The following UBE2O variants were observed in gnomAD, a reference collection of about 807,000 sequenced individuals.
The protein encoded by UBE2O is (E3-independent) E2 ubiquitin-conjugating enzyme.
In UBE2O, 15 loss-of-function variants were observed where a neutral mutation model predicts 125.8. That is an observed-to-expected ratio of 0.12 (90% CI 0.08 to 0.18). The LOEUF (loss-of-function observed/expected upper bound fraction) is 0.18, where lower values mean the gene tolerates loss of function less well. Among genes scored for constraint, UBE2O ranks in the 10% least tolerant of loss-of-function variants. The pLI is 1.00. For missense variants in UBE2O, 1,280 were observed against 1,723.6 expected (o/e 0.74, Z 4.56); for synonymous variants, 708 against 703.2 (o/e 1.01, Z -0.11).
At chr17:76,426,929 T>C (rs927555854) in intron 1 of UBE2O, among the ~76,000 whole-genome samples, 2 of 152,154 alleles carry the variant, frequency 1.3e-5, no homozygotes, top group African/African-American at 2.4e-5. Context: ...TTTTTTTCTG[T>C]GAAAATGTCC....
intron 1 of UBE2O, chr17:76,431,026 A>C (rs1468082241): frequency 5.0e-6 from 1 of 198,618 alleles, no homozygotes; most frequent in African/African-American, 2.4e-5. Context: ...CAAACTTCTT[A>C]TTCAGGTGCT....
intron 15 of UBE2O, among the ~76,000 whole-genome samples, chr17:76,393,194 G>C (rs1258478499): frequency 6.6e-6 from 1 of 151,812 alleles, no homozygotes; most frequent in African/African-American, 2.4e-5. Context: ...GGAGGCTGAG[G>C]CTGCAGTGAG....
chr17:76,448,700 G>A (rs528998800), intron 1 of UBE2O, among the ~76,000 whole-genome samples: 200 of 152,386 alleles, frequency 1.3e-3, no homozygotes, highest in African/African-American at 4.6e-3. Context: ...AACTTGAACT[G>A]ACAGACAGCA....
At chr17:76,421,468 C>G (rs536995783) in intron 1 of UBE2O, among the ~76,000 whole-genome samples, 1 of 152,226 alleles carries the variant, frequency 6.6e-6, no homozygotes, top group Non-Finnish European at 1.5e-5. Flanking sequence ...CCGGTTCAAG[C>G]GATTGTCCTG....
intron 1 of UBE2O, among the ~76,000 whole-genome samples, chr17:76,446,106 C>T (rs1168435031): frequency 3.9e-5 from 6 of 152,206 alleles, no homozygotes. Flanking sequence ...CATTTTAAAT[C>T]AGCAACTCCC....
intron 1 of UBE2O, among the ~76,000 whole-genome samples, chr17:76,429,047 G>T (rs535623773): frequency 1.3e-5 from 2 of 151,784 alleles, no homozygotes; most frequent in South Asian, 4.2e-4. Flanking sequence ...GATTACGGGC[G>T]CATGCCACCA....
At chr17:76,397,485 T>TC (rs896977502) in intron 13 of UBE2O, among the ~76,000 whole-genome samples, 6 of 152,234 alleles carry the variant, frequency 3.9e-5, no homozygotes, top group African/African-American at 1.4e-4. Context: ...TAGGAAAGTC[T>TC]CCATCTCCTT....
rs1308572347 is a variant in UBE2O, at chr17:76,389,456, T to A, written c.*1487A>T. On this transcript the variant is annotated 3_prime_UTR_variant, in exon 18 of 18. Coordinates refer to ENST00000319380, the MANE Select transcript of UBE2O (RefSeq NM_022066.4). ...GGACACAAAGGCAACGGAGCCCAGA[T>A]GAATGGCAGAGGGAGGTTTAATGGT... 1 of 134,100 alleles carries A rather than the reference T, an allele frequency of 7.5e-6. No homozygotes were observed. Among genetic ancestry groups the A allele is most frequent in the Non-Finnish European group, 1.5e-5 (1 of 66,180 alleles). The allele number at this position is 134,100 out of a possible 1,614,324, so 8.3% of individuals were successfully genotyped here.
intron 1 of UBE2O, among the ~76,000 whole-genome samples, chr17:76,411,779 G>A (rs2072520903): frequency 6.6e-6 from 1 of 152,122 alleles, no homozygotes; most frequent in Admixed American, 6.5e-5. Context: ...TCAACCACCT[G>A]GGCTCAAGTA....
chr17:76,417,706 GAGGAAAGA>G (rs11275244), intron 1 of UBE2O, among the ~76,000 whole-genome samples: 44,211 of 150,300 alleles, frequency 0.29, 7,088 homozygotes, highest in East Asian at 0.49. Context: ...TCGACTACAG[GAGGAAAGA>G]ATGCTAAGCA....
chr17:76,391,378 G>T lies in UBE2O; in HGVS notation c.3444C>A (p.Thr1148=). The T allele has an allele frequency of 6.2e-7, 1 of 1,613,362 alleles. No homozygotes were observed. The highest frequency in any genetic ancestry group is 2.2e-5 in the East Asian group (1 of 44,874). ...LVNRIESWLE[T]HALLEKAQAL... ...CCTGGGCCTTCTCCAGCAGGGCATG[G>T]GTTTCCAGCCAGGACTCGATACGGT... is the stretch of plus-strand genomic sequence containing the variant. Residue 1148 remains threonine, a synonymous_variant, in exon 18 of 18, where the codon ACC becomes ACA. Transcript: ENST00000319380. This position sits in a 1 kb window ranked among gnomAD's most constrained non-coding sequence, Gnocchi z 8.4.
intron 15 of UBE2O, 41 bp from the exon 16 acceptor site, chr17:76,392,154 G>A: frequency 7.8e-7 from 1 of 1,280,410 alleles, no homozygotes; most frequent in South Asian, 1.6e-5. Flanking sequence ...GTTGGCAGGG[G>A]TGGAAGGGGG....
intron 5 of UBE2O, among the ~76,000 whole-genome samples, 188 bp from the exon 6 acceptor site, chr17:76,401,342 C>A (rs1430860089): frequency 6.6e-6 from 1 of 152,220 alleles, no homozygotes; most frequent in Non-Finnish European, 1.5e-5. Context: ...CAGAGGTCAT[C>A]TGGCGCCCTT....
chr17:76,440,184 A>C (rs936351434), intron 1 of UBE2O, among the ~76,000 whole-genome samples: 3 of 152,256 alleles, frequency 2.0e-5, no homozygotes, highest in Admixed American at 2.0e-4. Flanking sequence ...AAGTCTCTGA[A>C]GCAGTGCTAC....
chr17:76,398,627 G>C lies in UBE2O; in HGVS notation c.1784-43C>G. 6.3e-7 allele frequency: 1 copy of C among 1,589,644 alleles called. No individual in the cohort carries two copies. The highest frequency in any genetic ancestry group is 8.6e-7 in the Non-Finnish European group (1 of 1,159,950). On this transcript the variant is annotated intron_variant, in intron 10 of 17. Transcript: ENST00000319380. The surrounding 1 kb of genome is among the most constrained non-coding windows in gnomAD (Gnocchi z 5.4). Reference sequence around the variant, plus strand: ...GGGAAGTGACTAGCTAAGGGATCCCGGCTAAGGAGCCCACATCTCAAGCCA... The same window carrying C: ...GGGAAGTGACTAGCTAAGGGATCCCCGCTAAGGAGCCCACATCTCAAGCCA...
Position 76,395,846 on chromosome 17 carries a change from T to C in UBE2O, c.2825A>G (p.Lys942Arg). Residue 942 changes from lysine (K) to arginine (R), a missense_variant, in exon 15 of 18, where the codon AAG (lysine) becomes AGG (arginine). By Grantham distance (26) the Lys-to-Arg change is conservative. Coordinates refer to ENST00000319380, the MANE Select transcript of UBE2O (RefSeq NM_022066.4). This position sits in a 1 kb window ranked among gnomAD's most constrained non-coding sequence, Gnocchi z 5.0. ...LEFAPSNHSF[K>R]KIEFQPPEAK... ...TTCTGGAGGCTGGAACTCAATTTTC[T>C]TAAAAGAATGATTTGCTAGAGGGGG... The C allele has an allele frequency of 6.2e-7, 1 of 1,614,202 alleles. No homozygotes were observed. Among genetic ancestry groups the C allele is most frequent in the South Asian group, 1.1e-5 (1 of 91,090 alleles).
intron 1 of UBE2O, among the ~76,000 whole-genome samples, chr17:76,428,539 CCATGTGCTTTA>C (rs2072849732): frequency 6.6e-6 from 1 of 152,130 alleles, no homozygotes; most frequent in Non-Finnish European, 1.5e-5. Flanking sequence ...AGTATATTTG[CCATGTGCTTTA>C]AGGCTTTCTC....
intron 1 of UBE2O, among the ~76,000 whole-genome samples, chr17:76,423,693 A>AAAATAAATAAATAAAT (rs74941845): frequency 0.013 from 1,814 of 135,902 alleles, 24 homozygotes; most frequent in East Asian, 0.042. Flanking sequence ...ACTCCATCTC[A>AAAATAAATAAATAAAT]AAATAAATAA....
chr17:76,429,541 CAAA>C (rs61081315), intron 1 of UBE2O, among the ~76,000 whole-genome samples: 2 of 71,786 alleles, frequency 2.8e-5, no homozygotes, highest in Non-Finnish European at 5.1e-5. Context: ...GACTCTGTCT[CAAA>C]AAAAAAAAAA....
Sources: gnomAD v4.1 joint callset for allele counts (sites outside exome capture counted in the v4.1 genomes callset) on GRCh38, gnomAD v4.1.1 for gene constraint, Gnocchi (gnomAD v3.1) non-coding constraint, MANE v1.5 for transcripts, NCBI Gene and HGNC (gene_info 2026-07-23, HGNC 2026-07-21) for gene names.